The following CRIP3 variants were observed in gnomAD, a reference collection of about 807,000 sequenced individuals.
CRIP3 encodes the protein cysteine rich protein 3.
CRIP3 carries 23 observed loss-of-function variants against 30.3 expected under a neutral mutation model. The observed-to-expected ratio is 0.76, with a 90% CI of 0.55 to 1.08. The LOEUF is 1.08. Ranked by LOEUF, CRIP3 falls within the 50% of genes least tolerant of loss-of-function variation. The pLI is 0.00. For synonymous variants in CRIP3, 89 were observed against 97.6 expected (o/e 0.91, Z 0.52); for missense variants, 261 against 259.3 (o/e 1.01, Z -0.04).
At chr6:43,305,979 A>G in intron 7 of CRIP3, 88 bp downstream of exon 7, 2 of 1,608,546 alleles carry the variant, frequency 1.2e-6, no homozygotes, top group Non-Finnish European at 1.7e-6. Context: ...ACCACAGGGG[A>G]AGTTGTCCAC....
Position 43,308,743 on chromosome 6 carries a change from G to A in CRIP3, c.43+7C>T. 6.2e-7 allele frequency: 1 copy of A among 1,613,920 alleles called. No homozygotes were observed. Among genetic ancestry groups the A allele is most frequent in the East Asian group, 2.2e-5 (1 of 44,860 alleles). ...CATCTTCTCCCCCTCCGCAGCCCGG[G>A]CCTCACCGAAGAAAACAGGTTGCTG... is the stretch of plus-strand genomic sequence containing the variant. On this transcript the variant is annotated splice_region_variant and intron_variant, in intron 1 of 7. Coordinates refer to ENST00000372569, the MANE Select transcript of CRIP3 (RefSeq NM_206922.3).
In CRIP3 at chr6:43,308,789, T is replaced by G. The variant is rs1271506433; in HGVS notation, c.4A>C (p.Ser2Arg). 2.5e-6 allele frequency: 4 copies of G among 1,613,810 alleles called. No individual in the cohort carries two copies. The highest frequency in any genetic ancestry group is 3.4e-6 in the Non-Finnish European group (4 of 1,180,006). ...TGCTGGCAACGCGGACAGGTCCAGC[T>G]CATAGCTCCGCTCCAGGCAGCGCAC... M[S>R]WTCPRCQQPV... The change falls in exon 1 of 8, where the codon AGC becomes CGC. Residue 2 changes from serine (S) to arginine (R), a missense_variant. By Grantham distance (110) the Ser-to-Arg change is moderately radical. Transcript: ENST00000372569.
Position 43,306,242 on chromosome 6 carries a change from G to A in CRIP3, c.472C>T (p.Leu158=). The A allele has an allele frequency of 3.1e-6, 5 of 1,614,190 alleles. No homozygotes were observed. Among genetic ancestry groups the A allele is most frequent in the Non-Finnish European group, 4.2e-6 (5 of 1,180,026 alleles). The change falls in exon 6 of 8, where the codon CTG becomes TTG. Residue 158 remains leucine (L), a synonymous_variant. Transcript: ENST00000372569. ...CLRCQRCHKT[L]TAGSHAEHDG... is the part of the protein sequence containing the mutation. ...ACCTCAGCATGACTCCCAGCAGTCA[G>A]GGTCTTGTGGCAACGCTGGCACCTC...
rs1473421624 is a variant in CRIP3 at position 43,306,042 on chromosome 6, C to T, written c.553+25G>A. The T allele has an allele frequency of 1.9e-6, 3 of 1,609,942 alleles. No homozygotes were observed. In the East Asian group the frequency reaches 6.7e-5, roughly 36 times the overall value. On this transcript the variant is annotated intron_variant, in intron 7 of 7. Coordinates refer to ENST00000372569, the MANE Select transcript of CRIP3 (RefSeq NM_206922.3). ...TACTTCAGGCATGTACATGCCATCC[C>T]AGTGTCTGGGATGGGGCTGCCCACC...
chr6:43,308,020 G>T, intron 2 of CRIP3, 124 bp from the exon 3 acceptor site: 1 of 1,048,978 alleles, frequency 9.5e-7, no homozygotes, highest in South Asian at 1.4e-5. Context: ...GCCTGGGAGG[G>T]GTGGGGGATG....
rs754624385 is a variant in CRIP3 at position 43,306,473 on chromosome 6, G to T, written c.373C>A (p.Pro125Thr). The T allele has an allele frequency of 6.2e-7, 1 of 1,613,094 alleles. No individual in the cohort carries two copies. Among genetic ancestry groups the T allele is most frequent in the East Asian group, 2.2e-5 (1 of 44,882 alleles). ...KTFTGETSLC[P>T]GCGEPVYFAE... ...AAATAGACGGGCTCCCCACAGCCAG[G>T]GCACAGCGAGGTCTCCCCAGTGAAT... is the stretch of plus-strand genomic sequence containing the variant. The change falls in exon 5 of 8, where the codon CCT (proline) becomes ACT (threonine). Residue 125 changes from proline to threonine, a missense_variant. Transcript: ENST00000372569.
intron 7 of CRIP3, 60 bp from the exon 8 acceptor site, chr6:43,305,935 G>C (rs754908036): frequency 2.5e-6 from 4 of 1,612,438 alleles, no homozygotes; most frequent in Non-Finnish European, 3.4e-6. Flanking sequence ...TTCAGGCCTA[G>C]AGGGAACTTG....
rs1012054530 is a variant in CRIP3, at chr6:43,305,672, G to A, written c.*142C>T. 9 of 1,032,696 alleles carry A rather than the reference G, an allele frequency of 8.7e-6. No individual in the cohort carries two copies. In the East Asian group the frequency reaches 1.7e-4, roughly 19 times the overall value. 64.0% of individuals were successfully genotyped at this position (1,032,696 alleles called of 1,614,324 possible). A position where few individuals can be genotyped will look rare whatever the true frequency, so the allele number is the denominator to read the frequency against. Reference sequence around the variant, plus strand: ...TTGGCAGAGAAAGTCTAGACTCTCTGGCCTACCATGGAGCCTAGGCCCAGG... The same window carrying A: ...TTGGCAGAGAAAGTCTAGACTCTCTAGCCTACCATGGAGCCTAGGCCCAGG... On this transcript the variant is annotated 3_prime_UTR_variant, in exon 8 of 8. Coordinates refer to ENST00000372569, the MANE Select transcript of CRIP3 (RefSeq NM_206922.3).
At chr6:43,306,671 G>GC (rs948062338) in intron 4 of CRIP3, 154 bp from the exon 5 acceptor site, 2 of 628,426 alleles carry the variant, frequency 3.2e-6, no homozygotes, top group African/African-American at 3.7e-5. Context: ...CCAGAGCTGA[G>GC]CCCCCTCTGA....
chr6:43,305,759 A>T lies in CRIP3; in HGVS notation c.*55T>A. The T allele has an allele frequency of 6.2e-7, 1 of 1,605,392 alleles. No homozygotes were observed. The highest frequency in any genetic ancestry group is 8.5e-7 in the Non-Finnish European group (1 of 1,172,536). On this transcript the variant is annotated 3_prime_UTR_variant, in exon 8 of 8. Transcript: ENST00000372569. ...TGGAGATTTTTGTAGCTTCCATTGG[A>T]CCATGAGGGGCATGATGGGAGGCCT... is the stretch of plus-strand genomic sequence containing the variant.
chr6:43,306,197 C>G, intron 6 of CRIP3, 22 bp downstream of exon 6: 1 of 1,614,140 alleles, frequency 6.2e-7, no homozygotes, highest in East Asian at 2.2e-5. Context: ...CCAACATAAC[C>G]ACTCATTCCT....
chr6:43,308,591 G>T, intron 1 of CRIP3, 159 bp downstream of exon 1: 1 of 984,508 alleles, frequency 1.0e-6, no homozygotes, highest in Non-Finnish European at 1.5e-6. Flanking sequence ...CTCAGAGGAA[G>T]GGAGAAGACC....
At position 43,308,241 on chromosome 6, in the gene CRIP3, G is replaced by T. The variant is rs568242892; in HGVS notation, c.138+74C>A. The T allele has an allele frequency of 1.1e-4, 152 of 1,338,438 alleles. 4 individuals carry two copies. The South Asian group carries it at 1.8e-3, about 16-fold the overall frequency. The allele number at this position is 1,338,438 out of a possible 1,614,324, so 82.9% of individuals were successfully genotyped here. A position where few individuals can be genotyped will look rare whatever the true frequency, so the allele number is the denominator to read the frequency against. ...TTCCCTTTGGCAGGCCTCCAGTGCT[G>T]AAGTTGGGGGCTGGTGCCTGGGGGG... On this transcript the variant is annotated intron_variant, in intron 2 of 7. Coordinates refer to ENST00000372569, the MANE Select transcript of CRIP3 (RefSeq NM_206922.3).
At position 43,306,089 on chromosome 6, in the gene CRIP3, G is replaced by A. The variant is rs150965756; in HGVS notation, c.531C>T (p.Tyr177=). ...CACCTTTGGGGCCAAACAGGTAGCC[G>A]TAGCAGGGGACGTGGCAGTAGGGGA... The part of the protein sequence containing the change: ...DGVPYCHVPC[Y]GYLFGPKGVN... The change falls in exon 7 of 8, where the codon TAC becomes TAT. Residue 177 remains tyrosine (Y), a synonymous_variant. Transcript: ENST00000372569. The A allele has an allele frequency of 2.8e-5, 45 of 1,613,704 alleles. No homozygotes were observed. The highest frequency in any genetic ancestry group is 1.7e-4 in the African/African-American group (13 of 74,866).
chr6:43,308,463 C>T (rs1374608171), intron 1 of CRIP3, 54 bp from the exon 2 acceptor site: 6 of 1,469,380 alleles, frequency 4.1e-6, no homozygotes, highest in South Asian at 1.2e-5. Flanking sequence ...AGCATAGGGC[C>T]CCTCCTTTCC....
intron 4 of CRIP3, 45 bp from the exon 5 acceptor site, chr6:43,306,562 C>T (rs978646228): frequency 6.9e-7 from 1 of 1,454,116 alleles, no homozygotes; most frequent in Non-Finnish European, 9.4e-7. Context: ...GTGGAGATGC[C>T]CACCAGCACC....
chr6:43,308,596 A>C, intron 1 of CRIP3, 154 bp downstream of exon 1: 1 of 1,011,166 alleles, frequency 9.9e-7, no homozygotes, highest in Non-Finnish European at 1.5e-6. Context: ...AGGAAGGGAG[A>C]AGACCCGAGT....
In CRIP3 at chr6:43,307,914, G is replaced by A; in HGVS notation, c.139-18C>T. The A allele has an allele frequency of 6.2e-7, 1 of 1,613,224 alleles. No homozygotes were observed. On this transcript the variant is annotated intron_variant, in intron 2 of 7. Transcript: ENST00000372569. ...CCATTGTGCTGGGCACAAGCAGAGG[G>A]AAGTGGGTTACTCAAGGCCAGCGGG... is the stretch of plus-strand genomic sequence containing the variant.
Position 43,306,003 on chromosome 6 carries a change from C to CCATGTACATGCCATACTTCAGG in CRIP3, c.553+42_553+63dup, listed in dbSNP as rs756050567. The CCATGTACATGCCATACTTCAGG allele has an allele frequency of 6.3e-5, 101 of 1,605,386 alleles. No individual in the cohort carries two copies. In the African/African-American group the frequency reaches 9.5e-4, roughly 15 times the overall value. On this transcript the variant is annotated intron_variant, in intron 7 of 7. Transcript: ENST00000372569. Reference sequence around the variant, plus strand: ...GAAGTTGTCCACACATACCCACAGACCATGTACATGCCATACTTCAGGCAT... The same window carrying CCATGTACATGCCATACTTCAGG: ...GAAGTTGTCCACACATACCCACAGACCATGTACATGCCATACTTCAGGCATGTACATGCCATACTTCAGGCAT...
Sources: allele counts gnomAD v4.1 joint callset, GRCh38; gene constraint gnomAD v4.1.1; transcripts MANE v1.5; gene names NCBI Gene and HGNC (gene_info 2026-07-23, HGNC 2026-07-21).